NDNF: variants seen among roughly 807,000 people sequenced by gnomAD.
The protein encoded by NDNF is neuron derived neurotrophic factor.
NDNF carries 16 observed loss-of-function variants against 42.0 expected under a neutral mutation model. That is an observed-to-expected ratio of 0.38 (90% CI 0.26 to 0.58). The LOEUF is 0.58. Among genes scored for constraint, NDNF ranks in the 20% least tolerant of loss-of-function variants. NDNF has a pLI of 0.67. For missense variants in NDNF, 616 were observed against 666.2 expected, an observed-to-expected ratio of 0.92 and a Z score of 0.83; for synonymous variants, 248 against 251.7, an observed-to-expected ratio of 0.99 and a Z score of 0.14.
intron 2 of NDNF, among the ~76,000 whole-genome samples, chr4:121,043,186 G>A (rs1244112523): frequency 6.6e-6 from 1 of 152,116 alleles, no homozygotes; most frequent in Non-Finnish European, 1.5e-5. Flanking sequence ...TAATAACTAA[G>A]GAAACATGGC....
intron 3 of NDNF, 104 bp from the exon 4 acceptor site, chr4:121,037,761 T>A: frequency 1.4e-6 from 1 of 701,558 alleles, no homozygotes; most frequent in Non-Finnish European, 2.3e-6. Flanking sequence ...ATGAAAATAG[T>A]ACATGTTCAT....
chr4:121,040,125 A>G, intron 2 of NDNF, 71 bp from the exon 3 acceptor site: 1 of 1,424,018 alleles, frequency 7.0e-7, no homozygotes, highest in East Asian at 2.5e-5. Context: ...TTACCAGAAA[A>G]ATCATTTGGT....
At chr4:121,044,171 T>C (rs1727050837) in intron 2 of NDNF, among the ~76,000 whole-genome samples, 1 of 152,180 alleles carries the variant, frequency 6.6e-6, no homozygotes, top group African/African-American at 2.4e-5. Context: ...GGAAAACTGA[T>C]CACCTATCAT....
chr4:121,070,979 A>C (rs891697138), intron 1 of NDNF, among the ~76,000 whole-genome samples: 28 of 152,286 alleles, frequency 1.8e-4, no homozygotes, highest in Admixed American at 1.6e-3. Context: ...GGGAGCTCTC[A>C]CGCCTGGGCC....
At chr4:121,066,283 C>T (rs541919843) in intron 1 of NDNF, among the ~76,000 whole-genome samples, 3 of 152,164 alleles carry the variant, frequency 2.0e-5, no homozygotes, top group Admixed American at 6.5e-5. Flanking sequence ...CAGTTTACTA[C>T]GTGTCTTAGC....
chr4:121,070,180 A>G (rs1342461135), intron 1 of NDNF, among the ~76,000 whole-genome samples: 1 of 152,070 alleles, frequency 6.6e-6, no homozygotes, highest in African/African-American at 2.4e-5. Context: ...CAGTATAAAC[A>G]CAGTCTGAGC....
chr4:121,044,191 T>A (rs1727051063), intron 2 of NDNF, among the ~76,000 whole-genome samples: 1 of 152,214 alleles, frequency 6.6e-6, no homozygotes, highest in Non-Finnish European at 1.5e-5. Context: ...TCATTTTGAC[T>A]AACCAGATGG....
chr4:121,049,664 T>G (rs1430388758), intron 1 of NDNF, among the ~76,000 whole-genome samples: 2 of 152,164 alleles, frequency 1.3e-5, no homozygotes, highest in East Asian at 3.8e-4. Flanking sequence ...ATTAAACTAT[T>G]TTACTGGTTT....
At chr4:121,057,198 G>A (rs1037570514) in intron 1 of NDNF, among the ~76,000 whole-genome samples, 1 of 152,160 alleles carries the variant, frequency 6.6e-6, no homozygotes, top group African/African-American at 2.4e-5. Flanking sequence ...CCTGTAGAGA[G>A]GTGAAGACTG....
rs577024748 is a variant in NDNF, at chr4:121,060,184, T to A, written c.-2+11809A>T. On this transcript the variant is annotated intron_variant, in intron 1 of 3. Coordinates refer to ENST00000379692, the MANE Select transcript of NDNF (RefSeq NM_024574.4). The stretch of plus-strand genomic sequence containing the variant: ...TTTTCTCTACCTTCTTTAGTTTTTT[T>A]ATTTTTTTAGTTTTGAGACAGAGTC... 8.5e-5 allele frequency among the ~76,000 whole-genome samples: 13 copies of A among 152,296 alleles called. No individual in the cohort carries two copies. In the South Asian group the frequency reaches 1.0e-3, roughly 12 times the overall value.
intron 3 of NDNF, among the ~76,000 whole-genome samples, chr4:121,039,491 G>T (rs1300598736): frequency 6.6e-6 from 1 of 151,856 alleles, no homozygotes; most frequent in Non-Finnish European, 1.5e-5. Context: ...ATTCCCTGGA[G>T]ATCAGAGGTT....
intron 1 of NDNF, among the ~76,000 whole-genome samples, chr4:121,070,245 A>C (rs1244047167): frequency 6.6e-6 from 1 of 152,082 alleles, no homozygotes; most frequent in African/African-American, 2.4e-5. Context: ...AATCATACCG[A>C]TCGCCCTCAC....
intron 1 of NDNF, among the ~76,000 whole-genome samples, chr4:121,066,476 T>C (rs797005418): frequency 5.3e-5 from 8 of 152,344 alleles, no homozygotes; most frequent in African/African-American, 1.9e-4. Flanking sequence ...CCTATTATAC[T>C]GGTTTTTCTC....
chr4:121,052,120 C>A (rs540675552), intron 1 of NDNF, among the ~76,000 whole-genome samples: 3 of 152,282 alleles, frequency 2.0e-5, no homozygotes, highest in African/African-American at 7.2e-5. Context: ...CCAACAAGTT[C>A]TTTGCAGAAA....
intron 3 of NDNF, among the ~76,000 whole-genome samples, chr4:121,039,579 A>G (rs967831318): frequency 2.6e-5 from 4 of 151,926 alleles, no homozygotes; most frequent in African/African-American, 9.7e-5. Context: ...CCCCATTCCA[A>G]TCAAATCAGA....
At chr4:121,071,964 T>A (rs978885352) in intron 1 of NDNF, 29 bp downstream of exon 1, 18 of 152,178 alleles carry the variant, frequency 1.2e-4, no homozygotes, top group African/African-American at 3.6e-4. Flanking sequence ...GTCGGGTCTC[T>A]GGGGCATTGC....
chr4:121,042,513 GATTGA>G (rs1242059223), intron 2 of NDNF, among the ~76,000 whole-genome samples: 2 of 152,188 alleles, frequency 1.3e-5, no homozygotes, highest in African/African-American at 4.8e-5. Flanking sequence ...CAAAATAGAT[GATTGA>G]ATTGTTTACT....
At chr4:121,044,328 T>A (rs1005992359) in intron 2 of NDNF, among the ~76,000 whole-genome samples, 6 of 152,300 alleles carry the variant, frequency 3.9e-5, no homozygotes, top group Admixed American at 3.9e-4. Context: ...GTTATTGATG[T>A]TCTGAAACAG....
chr4:121,066,952 C>T (rs1452839345), intron 1 of NDNF, among the ~76,000 whole-genome samples: 1 of 152,224 alleles, frequency 6.6e-6, no homozygotes, highest in Non-Finnish European at 1.5e-5. Context: ...TGTACAGTCT[C>T]CATTTACTTC....
Sources: gnomAD v4.1 joint callset for allele counts (sites outside exome capture counted in the v4.1 genomes callset) on GRCh38, gnomAD v4.1.1 for gene constraint, MANE v1.5 for transcripts, NCBI Gene and HGNC (gene_info 2026-07-23, HGNC 2026-07-21) for gene names.